Variants in RGS7 observed in about 807,000 individuals in gnomAD.
RGS7 encodes regulator of G protein signaling 7.
Under a neutral mutation model 81.1 loss-of-function variants are expected in RGS7, and 27 were observed. That is an observed-to-expected ratio of 0.33 (90% confidence interval 0.25 to 0.46). The LOEUF (loss-of-function observed/expected upper bound fraction) is 0.46. Ranked by LOEUF, RGS7 falls within the 20% of genes least tolerant of loss-of-function variation. The probability of loss-of-function intolerance (pLI) is 1.00; values close to 1 mark genes in which losing one functional copy is unlikely to be tolerated. For missense variants in RGS7, 396 were observed against 607.4 expected, an observed-to-expected ratio of 0.65 and a Z score of 3.66; for synonymous variants, 208 against 207.7, an observed-to-expected ratio of 1.00 and a Z score of -0.01.
intron 3 of RGS7, among the ~76,000 whole-genome samples, chr1:241,071,892 A>AAAAAAAAAAAAAAAAAAAAAAAG: frequency 6.7e-6 from 1 of 149,004 alleles, no homozygotes; most frequent in Admixed American, 6.7e-5. Flanking sequence ...AAAAAAAAAA[A>AAAAAAAAAAAAAAAAAAAAAAAG]AAACAAGAAA....
intron 2 of RGS7, among the ~76,000 whole-genome samples, chr1:241,156,137 GAT>G (rs2069119649): frequency 3.5e-5 from 2 of 57,298 alleles, no homozygotes; most frequent in Non-Finnish European, 5.3e-5. Flanking sequence ...AATGATGATA[GAT>G]AGATAGATAG....
chr1:240,966,217 C>T (rs930440969), intron 4 of RGS7, among the ~76,000 whole-genome samples: 4 of 151,774 alleles, frequency 2.6e-5, no homozygotes, highest in Admixed American at 6.6e-5. Flanking sequence ...GTAAATGATC[C>T]GACCTTGAAT....
intron 9 of RGS7, among the ~76,000 whole-genome samples, chr1:240,829,961 T>C (rs755283562): frequency 9.9e-5 from 15 of 152,134 alleles, no homozygotes; most frequent in Non-Finnish European, 1.8e-4. Context: ...AAAGGTAAGA[T>C]ACTGAGCTCA....
intron 2 of RGS7, among the ~76,000 whole-genome samples, chr1:241,276,740 GGC>G (rs2078213292): frequency 6.6e-6 from 1 of 152,118 alleles, no homozygotes; most frequent in Admixed American, 6.5e-5. Context: ...TGTACTACCT[GGC>G]ATACAAGTAT....
At chr1:240,789,118 C>A (rs1226693029) in intron 18 of RGS7, among the ~76,000 whole-genome samples, 2 of 152,318 alleles carry the variant, frequency 1.3e-5, no homozygotes, top group African/African-American at 2.4e-5. Flanking sequence ...CAAATTAATA[C>A]TTTTATAATT....
rs753787286 is a variant in RGS7 at position 241,100,374 on chromosome 1, CAAAAAAAAAA to C, written c.79-1622_79-1613del. Reference sequence around the variant, plus strand: ...TGGGCAAAAGAGCAAGACTCCATTTCAAAAAAAAAAAAAAAAAAAAAAATTTCCATCAACA... The same window carrying C: ...TGGGCAAAAGAGCAAGACTCCATTTCAAAAAAAAAAAAATTTCCATCAACA... On this transcript the variant is annotated intron_variant, in intron 2 of 18. Transcript: ENST00000440928. 6.3e-4 allele frequency among the ~76,000 whole-genome samples: 51 copies of C among 80,462 alleles called. 1 individual carries two copies. The highest frequency in any genetic ancestry group is 1.8e-3 in the African/African-American group (43 of 23,684). 52.8% of individuals were successfully genotyped at this position (80,462 alleles called of 152,430 possible).
chr1:241,229,427 C>T (rs769331593), intron 2 of RGS7, among the ~76,000 whole-genome samples: 2 of 152,182 alleles, frequency 1.3e-5, no homozygotes, highest in Non-Finnish European at 2.9e-5. Flanking sequence ...AGAGTCCTCA[C>T]GCGTGTAGCT....
chr1:240,883,564 G>A (rs1412198946), intron 6 of RGS7, among the ~76,000 whole-genome samples: 1 of 152,000 alleles, frequency 6.6e-6, no homozygotes, highest in Non-Finnish European at 1.5e-5. Flanking sequence ...TTTGTTTGTA[G>A]CCCTCAAATC....
intron 6 of RGS7, among the ~76,000 whole-genome samples, chr1:240,873,573 C>A (rs185986010): frequency 6.6e-6 from 1 of 152,216 alleles, no homozygotes; most frequent in African/African-American, 2.4e-5. Flanking sequence ...TTTCTGGATC[C>A]CATCTTTGAG....
At chr1:241,106,331 T>C (rs1376049993) in intron 2 of RGS7, among the ~76,000 whole-genome samples, 1 of 152,202 alleles carries the variant, frequency 6.6e-6, no homozygotes, top group African/African-American at 2.4e-5. Flanking sequence ...GCCATTTTCA[T>C]GAATAATCGA....
chr1:241,015,366 G>A (rs2059166961), intron 3 of RGS7, among the ~76,000 whole-genome samples: 1 of 152,158 alleles, frequency 6.6e-6, no homozygotes, highest in South Asian at 2.1e-4. Flanking sequence ...CATTTTCACA[G>A]TTAGGGTTCT....
chr1:241,206,724 T>C (rs887759439), intron 2 of RGS7, among the ~76,000 whole-genome samples: 55 of 152,102 alleles, frequency 3.6e-4, no homozygotes, highest in African/African-American at 1.2e-3. Context: ...CCTTACGGCA[T>C]TGGGACTAGC....
chr1:241,018,464 G>A (rs1315953001), intron 3 of RGS7, among the ~76,000 whole-genome samples: 2 of 152,068 alleles, frequency 1.3e-5, no homozygotes, highest in African/African-American at 4.8e-5. Flanking sequence ...TGCAGCTATA[G>A]ATACCAGAGG....
At chr1:240,895,225 T>A (rs1668867036) in intron 6 of RGS7, among the ~76,000 whole-genome samples, 1 of 152,214 alleles carries the variant, frequency 6.6e-6, no homozygotes, top group Non-Finnish European at 1.5e-5. Context: ...CTGAACAGCC[T>A]GCAGAACCAT....
intron 9 of RGS7, among the ~76,000 whole-genome samples, chr1:240,860,434 ATCTTT>A (rs1465118504): frequency 6.6e-6 from 1 of 152,088 alleles, no homozygotes; most frequent in African/African-American, 2.4e-5. Flanking sequence ...TGAAGAATTG[ATCTTT>A]TTATCATTAT....
At chr1:241,062,105 C>T (rs79601262) in intron 3 of RGS7, among the ~76,000 whole-genome samples, 3,057 of 152,276 alleles carry the variant, frequency 0.02, 121 homozygotes, top group African/African-American at 0.07. Context: ...CAAAAGTGAT[C>T]TTCTATAGGA....
intron 2 of RGS7, among the ~76,000 whole-genome samples, chr1:241,141,353 C>A (rs1042894499): frequency 6.6e-6 from 1 of 152,216 alleles, no homozygotes; most frequent in African/African-American, 2.4e-5. Context: ...GTAACTGTCA[C>A]AAATGCCACA....
chr1:240,876,057 T>C (rs1665358578), intron 6 of RGS7, among the ~76,000 whole-genome samples: 1 of 152,174 alleles, frequency 6.6e-6, no homozygotes, highest in South Asian at 2.1e-4. Context: ...AGGGTTTAGA[T>C]GATGCCTAAG....
chr1:240,813,009 G>T (rs2103103575), intron 13 of RGS7, among the ~76,000 whole-genome samples: 1 of 152,160 alleles, frequency 6.6e-6, no homozygotes, highest in East Asian at 1.9e-4. Flanking sequence ...CTAGAGAACT[G>T]CTAGAAGTGT....
Sources: gnomAD v4.1 joint callset for allele counts (sites outside exome capture counted in the v4.1 genomes callset) on GRCh38, gnomAD v4.1.1 for gene constraint, MANE v1.5 for transcripts, NCBI Gene and HGNC (gene_info 2026-07-23, HGNC 2026-07-21) for gene names.